GPR25: variants seen among roughly 807,000 people sequenced by gnomAD.
GPR25 encodes the protein C-X-C chemokine receptor GPR25.
For missense variants in GPR25, 501 were observed against 503.0 expected (o/e 1.00, Z 0.04); for synonymous variants, 280 against 264.9 (o/e 1.06, Z -0.55).
rs1489036462 is a variant in GPR25 at position 200,873,364 on chromosome 1, T to C, written c.327T>C (p.Asp109=). The change falls in exon 1 of 1, where the codon GAT becomes GAC. Residue 109 remains aspartate, a synonymous_variant. Transcript: ENST00000304244. ...AALGGRWPFG[D]GLCKLSSFAL... ...TAGGCGGCCGCTGGCCGTTCGGCGA[T>C]GGCCTCTGCAAGCTCAGCAGCTTCG... The C allele has an allele frequency of 4.0e-6, 6 of 1,491,678 alleles. No homozygotes were observed. Among genetic ancestry groups the C allele is most frequent in the South Asian group, 1.3e-5 (1 of 78,350 alleles). The allele number at this position is 1,491,678 out of a possible 1,614,324, so 92.4% of individuals were successfully genotyped here. A position where few individuals can be genotyped will look rare whatever the true frequency, so the allele number is the denominator to read the frequency against.
rs1668000411 is a variant in GPR25 at position 200,873,495 on chromosome 1, C to T, written c.458C>T (p.Pro153Leu). 6.4e-7 allele frequency: 1 copy of T among 1,561,046 alleles called. No individual in the cohort carries two copies. Among genetic ancestry groups the T allele is most frequent in the East Asian group, 2.3e-5 (1 of 42,602 alleles). The change falls in exon 1 of 1, where the codon CCG becomes CTG. Residue 153 changes from proline (P) to leucine (L), a missense_variant. Transcript: ENST00000304244. ...CTCGAGGCGAGGCCACTGCGCACCC[C>T]GCGCTGCGCGCTGGCCTCGTGCTGC... ...KLLEARPLRT[P>L]RCALASCCGV... is the part of the protein sequence containing the mutation.
Position 200,873,466 on chromosome 1 carries a change from G to C in GPR25, c.429G>C (p.Lys143Asn). The C allele has an allele frequency of 6.4e-7, 1 of 1,562,100 alleles. No homozygotes were observed. The highest frequency in any genetic ancestry group is 8.6e-7 in the Non-Finnish European group (1 of 1,163,192). ...MSVDRYLAVV[K>N]LLEARPLRTP... is the part of the protein sequence containing the mutation. ...TGGACCGCTACCTGGCCGTGGTGAAGCTGCTCGAGGCGAGGCCACTGCGCA... is the reference window on the plus strand; with the variant it reads ...TGGACCGCTACCTGGCCGTGGTGAACCTGCTCGAGGCGAGGCCACTGCGCA... The change falls in exon 1 of 1, where the codon AAG becomes AAC. Residue 143 changes from lysine to asparagine, a missense_variant. Coordinates refer to ENST00000304244, the MANE Select transcript of GPR25 (RefSeq NM_005298.4).
Position 200,873,052 on chromosome 1 carries a change from G to T in GPR25, c.15G>T (p.Glu5Asp). ...ATAGCCAGGCCATGGCCCCCACAGA[G>T]CCCTGGAGCCCCAGCCCGGGGTCAG... MAPT[E>D]PWSPSPGSAP... Residue 5 changes from glutamate to aspartate, a missense_variant, in exon 1 of 1, where the codon GAG becomes GAT. Glu to Asp is a conservative substitution (Grantham distance 45). Transcript: ENST00000304244. 6.4e-7 allele frequency: 1 copy of T among 1,552,054 alleles called. No homozygotes were observed. The highest frequency in any genetic ancestry group is 1.3e-5 in the African/African-American group (1 of 74,148).
In GPR25 at chr1:200,874,007, G is replaced by C; in HGVS notation, c.970G>C (p.Gly324Arg). The C allele has an allele frequency of 6.2e-7, 1 of 1,611,784 alleles. No homozygotes were observed. Among genetic ancestry groups the C allele is most frequent in the Admixed American group, 1.7e-5 (1 of 59,948 alleles). ...FRARALDGAC[G>R]RTGRLARRIS... is the part of the protein sequence containing the mutation. Reference sequence around the variant, plus strand: ...AGCCCGGGCGCTGGACGGGGCCTGCGGGCGCACCGGCCGCCTGGCGCGAAG... The same window carrying C: ...AGCCCGGGCGCTGGACGGGGCCTGCCGGCGCACCGGCCGCCTGGCGCGAAG... Residue 324 changes from glycine (G) to arginine (R), a missense_variant, in exon 1 of 1, where the codon GGG (glycine) becomes CGG (arginine). Physicochemically the swap from Gly to Arg is moderately radical, Grantham distance 125 (BLOSUM62 -2). Coordinates refer to ENST00000304244, the MANE Select transcript of GPR25 (RefSeq NM_005298.4).
chr1:200,873,091 C>T lies in GPR25; in HGVS notation c.54C>T (p.Tyr18=), dbSNP rs147503381. The change falls in exon 1 of 1, where the codon TAC becomes TAT. Residue 18 remains tyrosine, a synonymous_variant. Coordinates refer to ENST00000304244, the MANE Select transcript of GPR25 (RefSeq NM_005298.4). ...SPSPGSAPWD[Y]SGLDGLEELE... ...GCCCGGGGTCAGCGCCCTGGGACTACTCGGGGTTGGACGGCCTGGAGGAGC... is the reference window on the plus strand; with the variant it reads ...GCCCGGGGTCAGCGCCCTGGGACTATTCGGGGTTGGACGGCCTGGAGGAGC... The T allele has an allele frequency of 6.4e-5, 102 of 1,586,488 alleles. No individual in the cohort carries two copies. The highest frequency in any genetic ancestry group is 7.9e-5 in the Non-Finnish European group (93 of 1,170,536).
At position 200,873,070 on chromosome 1, in the gene GPR25, G is replaced by A. The variant is rs1269291202; in HGVS notation, c.33G>A (p.Pro11=). 4.5e-6 allele frequency: 7 copies of A among 1,568,018 alleles called. No individual in the cohort carries two copies. Among genetic ancestry groups the A allele is most frequent in the Non-Finnish European group, 6.0e-6 (7 of 1,161,040 alleles). ...CCACAGAGCCCTGGAGCCCCAGCCC[G>A]GGGTCAGCGCCCTGGGACTACTCGG... The part of the protein sequence containing the change: MAPTEPWSPS[P]GSAPWDYSGL... Residue 11 remains proline, a synonymous_variant, in exon 1 of 1, where the codon CCG becomes CCA. Transcript: ENST00000304244.
In GPR25 at chr1:200,873,820, C is replaced by G; in HGVS notation, c.783C>G (p.Ser261Arg). 1.2e-6 allele frequency: 2 copies of G among 1,600,836 alleles called. No individual in the cohort carries two copies. The highest frequency in any genetic ancestry group is 1.7e-6 in the Non-Finnish European group (2 of 1,179,366). The change falls in exon 1 of 1, where the codon AGC becomes AGG. Residue 261 changes from serine to arginine, a missense_variant. Coordinates refer to ENST00000304244, the MANE Select transcript of GPR25 (RefSeq NM_005298.4). ...TTGTGGGCTCCTGGCTGCCCTTCAG[C>G]GCCCTGCGGGCCGTCTTCCACCTGG... is the stretch of plus-strand genomic sequence containing the variant. ...STFVGSWLPF[S>R]ALRAVFHLAR...
rs116181846 is a variant in GPR25 at position 200,874,064 on chromosome 1, G to T, written c.1027G>T (p.Asp343Tyr). The change falls in exon 1 of 1, where the codon GAC becomes TAC. Residue 343 changes from aspartate to tyrosine, a missense_variant. Physicochemically the swap from Asp to Tyr is radical, Grantham distance 160. Transcript: ENST00000304244. Reference protein sequence around the residue: ...ISSASSLSRDDSSVFRCRAQA... With the variant: ...ISSASSLSRDYSSVFRCRAQA... ...CTCAGCCTCCTCGCTCTCCAGGGAC[G>T]ACAGTTCCGTGTTCCGTTGCCGGGC... The T allele has an allele frequency of 1.1e-4, 176 of 1,605,008 alleles. No homozygotes were observed. Among genetic ancestry groups the T allele is most frequent in the Admixed American group, 5.4e-4 (32 of 59,372 alleles).
chr1:200,874,120 G>A lies in GPR25; in HGVS notation c.1083G>A (p.Trp361Ter). The A allele has an allele frequency of 6.5e-7, 1 of 1,539,120 alleles. No homozygotes were observed. The highest frequency in any genetic ancestry group is 8.8e-7 in the Non-Finnish European group (1 of 1,138,362). ...AQAANTASAS[W>*] Reference sequence around the variant, plus strand: ...CCGCGAACACTGCCTCGGCCTCCTGGTAGCTGCCCCGGGCCGCTGGAGGTG... The same window carrying A: ...CCGCGAACACTGCCTCGGCCTCCTGATAGCTGCCCCGGGCCGCTGGAGGTG... Residue 361 changes from tryptophan (W) to a stop codon, truncating the protein, a stop_gained, in exon 1 of 1, where the codon TGG becomes TGA. Coordinates refer to ENST00000304244, the MANE Select transcript of GPR25 (RefSeq NM_005298.4). LOFTEE classifies it high-confidence loss of function.
chr1:200,873,085 G>C lies in GPR25; in HGVS notation c.48G>C (p.Trp16Cys). Residue 16 changes from tryptophan (W) to cysteine (C), a missense_variant, in exon 1 of 1, where the codon TGG (tryptophan) becomes TGC (cysteine). Trp to Cys is a radical substitution (Grantham distance 215). Coordinates refer to ENST00000304244, the MANE Select transcript of GPR25 (RefSeq NM_005298.4). ...GCCCCAGCCCGGGGTCAGCGCCCTG[G>C]GACTACTCGGGGTTGGACGGCCTGG... ...PWSPSPGSAP[W>C]DYSGLDGLEE... The C allele has an allele frequency of 6.3e-7, 1 of 1,581,908 alleles. No individual in the cohort carries two copies. The highest frequency in any genetic ancestry group is 8.6e-7 in the Non-Finnish European group (1 of 1,168,258).
chr1:200,873,968 G>C lies in GPR25; in HGVS notation c.931G>C (p.Asp311His). 1 of 1,612,256 alleles carries C rather than the reference G, an allele frequency of 6.2e-7. No homozygotes were observed. The highest frequency in any genetic ancestry group is 8.5e-7 in the Non-Finnish European group (1 of 1,179,606). The change falls in exon 1 of 1, where the codon GAC becomes CAC. Residue 311 changes from aspartate to histidine, a missense_variant. By Grantham distance (81) the Asp-to-His change is moderately conservative. Coordinates refer to ENST00000304244, the MANE Select transcript of GPR25 (RefSeq NM_005298.4). ...CANPLIYLLLDRSFRARALDG... is the reference protein window; with the variant it reads ...CANPLIYLLLHRSFRARALDG... Reference sequence around the variant, plus strand: ...CAACCCGCTCATCTACCTCCTGCTGGACCGCTCATTCCGAGCCCGGGCGCT... The same window carrying C: ...CAACCCGCTCATCTACCTCCTGCTGCACCGCTCATTCCGAGCCCGGGCGCT...
rs1189254529 is a variant in GPR25 at position 200,873,134 on chromosome 1, G to T, written c.97G>T (p.Gly33Trp). 3 of 1,603,582 alleles carry T rather than the reference G, an allele frequency of 1.9e-6. No individual in the cohort carries two copies. The highest frequency in any genetic ancestry group is 2.2e-5 in the East Asian group (1 of 44,768). ...GGAGGAGCTGGAGCTGTGTCCGGCC[G>T]GGGACCTGCCCTACGGCTACGTCTA... The part of the protein sequence containing the change: ...GLEELELCPA[G>W]DLPYGYVYIP... The change falls in exon 1 of 1, where the codon GGG becomes TGG. Residue 33 changes from glycine (G) to tryptophan (W), a missense_variant. Gly to Trp is a radical substitution (Grantham distance 184). Transcript: ENST00000304244.
In GPR25 at chr1:200,874,052, C is replaced by T. The variant is rs754567885; in HGVS notation, c.1015C>T (p.Leu339Phe). The part of the protein sequence containing the change: ...LARRISSASS[L>F]SRDDSSVFRC... ...GCGAAGGATCAGCTCAGCCTCCTCGCTCTCCAGGGACGACAGTTCCGTGTT... is the reference window on the plus strand; with the variant it reads ...GCGAAGGATCAGCTCAGCCTCCTCGTTCTCCAGGGACGACAGTTCCGTGTT... The change falls in exon 1 of 1, where the codon CTC (leucine) becomes TTC (phenylalanine). Residue 339 changes from leucine to phenylalanine, a missense_variant. Transcript: ENST00000304244. 6.2e-7 allele frequency: 1 copy of T among 1,609,662 alleles called. No homozygotes were observed. Among genetic ancestry groups the T allele is most frequent in the Admixed American group, 1.7e-5 (1 of 59,736 alleles).
In GPR25 at chr1:200,874,110, C is replaced by G. The variant is rs754479979; in HGVS notation, c.1073C>G (p.Ser358Trp). ...RCRAQAANTA[S>W]ASW The stretch of plus-strand genomic sequence containing the variant: ...CGGGCCCAGGCCGCGAACACTGCCT[C>G]GGCCTCCTGGTAGCTGCCCCGGGCC... Residue 358 changes from serine to tryptophan, a missense_variant, in exon 1 of 1, where the codon TCG becomes TGG. By Grantham distance (177) the Ser-to-Trp change is radical. Transcript: ENST00000304244. 19 of 1,555,666 alleles carry G rather than the reference C, an allele frequency of 1.2e-5. No homozygotes were observed. In the South Asian group the frequency reaches 2.0e-4, roughly 16 times the overall value.
chr1:200,873,726 G>T lies in GPR25; in HGVS notation c.689G>T (p.Arg230Leu). The T allele has an allele frequency of 6.3e-7, 1 of 1,597,768 alleles. No individual in the cohort carries two copies. The change falls in exon 1 of 1, where the codon CGA becomes CTA. Residue 230 changes from arginine to leucine, a missense_variant. Physicochemically the swap from Arg to Leu is moderately radical, Grantham distance 102 (BLOSUM62 -2). Coordinates refer to ENST00000304244, the MANE Select transcript of GPR25 (RefSeq NM_005298.4). ...FCYCRISRRLRRPPHVGRARR... is the reference protein window; with the variant it reads ...FCYCRISRRLLRPPHVGRARR... ...TACTGCCGCATCTCGCGCCGCCTGC[G>T]ACGGCCGCCGCACGTGGGTCGGGCC... is the stretch of plus-strand genomic sequence containing the variant.
rs765139398 is a variant in GPR25 at position 200,873,268 on chromosome 1, C to T, written c.231C>T (p.Phe77=). The change falls in exon 1 of 1, where the codon TTC becomes TTT. Residue 77 remains phenylalanine (F), a synonymous_variant. Coordinates refer to ENST00000304244, the MANE Select transcript of GPR25 (RefSeq NM_005298.4). The stretch of plus-strand genomic sequence containing the variant: ...GCCCGCGGCGGCTGGTGGATACCTT[C>T]GTGCTGCACCTGGCGGCAGCTGACC... ...RRGPRRLVDT[F]VLHLAAADLG... is the part of the protein sequence containing the mutation. The T allele has an allele frequency of 6.4e-6, 10 of 1,562,272 alleles. No homozygotes were observed. The highest frequency in any genetic ancestry group is 7.8e-6 in the Non-Finnish European group (9 of 1,158,838).
rs766747025 is a variant in GPR25 at position 200,873,607 on chromosome 1, G to A, written c.570G>A (p.Gln190=). 3.0e-5 allele frequency: 48 copies of A among 1,594,436 alleles called. No homozygotes were observed. The highest frequency in any genetic ancestry group is 3.9e-5 in the Non-Finnish European group (46 of 1,178,328). The change falls in exon 1 of 1, where the codon CAG becomes CAA. Residue 190 remains glutamine, a synonymous_variant. Coordinates refer to ENST00000304244, the MANE Select transcript of GPR25 (RefSeq NM_005298.4). ...CCCTGCCTGGGGGCCAGGACAGCCA[G>A]TGCGGCGAGGAGCCCTCCCACGCCT... is the stretch of plus-strand genomic sequence containing the variant. ...LQPLPGGQDS[Q]CGEEPSHAFQ...
rs1668003661 is a variant in GPR25 at position 200,873,703 on chromosome 1, C to T, written c.666C>T (p.Tyr222=). 1 of 1,598,002 alleles carries T rather than the reference C, an allele frequency of 6.3e-7. No homozygotes were observed. The change falls in exon 1 of 1, where the codon TAC becomes TAT. Residue 222 remains tyrosine, a synonymous_variant. Transcript: ENST00000304244. ...VLPLVVTLFC[Y]CRISRRLRRP... ...CCCTGGTCGTCACCCTCTTCTGCTA[C>T]TGCCGCATCTCGCGCCGCCTGCGAC...
In GPR25 at chr1:200,873,613, C is replaced by T. The variant is rs1400280774; in HGVS notation, c.576C>T (p.Gly192=). 7 of 1,594,922 alleles carry T rather than the reference C, an allele frequency of 4.4e-6. No homozygotes were observed. The South Asian group carries it at 5.5e-5, about 13-fold the overall frequency. ...PLPGGQDSQC[G]EEPSHAFQGL... is the part of the protein sequence containing the mutation. ...CTGGGGGCCAGGACAGCCAGTGCGG[C>T]GAGGAGCCCTCCCACGCCTTCCAGG... Residue 192 remains glycine (G), a synonymous_variant, in exon 1 of 1, where the codon GGC becomes GGT. Transcript: ENST00000304244.
Sources: allele counts gnomAD v4.1 joint callset, GRCh38; gene constraint gnomAD v4.1.1; transcripts MANE v1.5; gene names NCBI Gene and HGNC (gene_info 2026-07-23, HGNC 2026-07-21).